Variants in FOXN1 observed in about 807,000 individuals in gnomAD.
The protein encoded by FOXN1 is forkhead box N1.
A neutral mutation model predicts 49.0 loss-of-function variants in FOXN1; 15 were observed. That is an observed-to-expected ratio of 0.31 (90% CI 0.20 to 0.47). The LOEUF (loss-of-function observed/expected upper bound fraction) is 0.47. FOXN1 is among the 20% of genes least tolerant of loss of function. FOXN1 has a pLI of 1.00. For missense variants in FOXN1, 800 were observed against 842.8 expected, an observed-to-expected ratio of 0.95 and a Z score of 0.63; for synonymous variants, 356 against 369.0, an observed-to-expected ratio of 0.96 and a Z score of 0.40.
At chr17:28,509,521 G>T (rs782293764) in intron 1 of FOXN1, among the ~76,000 whole-genome samples, 2 of 152,194 alleles carry the variant, frequency 1.3e-5, no homozygotes, top group Non-Finnish European at 2.9e-5. Flanking sequence ...AGGTTCTGGG[G>T]TGTCCCCCAG....
intron 1 of FOXN1, among the ~76,000 whole-genome samples, chr17:28,520,792 C>T (rs2069626262): frequency 6.6e-6 from 1 of 152,220 alleles, no homozygotes; most frequent in South Asian, 2.1e-4. Flanking sequence ...GGAGGTGGTG[C>T]AGGCCTGAGC....
chr17:28,513,537 C>T (rs932825037), intron 1 of FOXN1, among the ~76,000 whole-genome samples: 2 of 152,254 alleles, frequency 1.3e-5, no homozygotes, highest in African/African-American at 2.4e-5. Context: ...ATCCACCCAT[C>T]CATCCAGAGA....
rs2151503597 is a variant in FOXN1, at chr17:28,538,223, A to G, written c.*787A>G. Reference sequence around the variant, plus strand: ...TGTTTGGAAAAGCCCTTGCCCTCGGAAACTTGAACATGTCCTTTTTCCCCA... The same window carrying G: ...TGTTTGGAAAAGCCCTTGCCCTCGGGAACTTGAACATGTCCTTTTTCCCCA... On this transcript the variant is annotated 3_prime_UTR_variant, in exon 9 of 9. Coordinates refer to ENST00000579795, the MANE Select transcript of FOXN1 (RefSeq NM_001369369.1). 6.6e-6 allele frequency: 1 copy of G among 152,240 alleles called. No individual in the cohort carries two copies. Among genetic ancestry groups the G allele is most frequent in the East Asian group, 1.9e-4 (1 of 5,172 alleles). 9.4% of individuals were successfully genotyped at this position (152,240 alleles called of 1,614,324 possible).
chr17:28,526,691 G>T (rs964567945), intron 3 of FOXN1, among the ~76,000 whole-genome samples: 1 of 152,194 alleles, frequency 6.6e-6, no homozygotes, highest in Non-Finnish European at 1.5e-5. Context: ...GAGTCAGAGC[G>T]GAGAGGAGTT....
rs146095148 is a variant in FOXN1, at chr17:28,525,343, C to A, written c.588+376C>A. On this transcript the variant is annotated intron_variant, in intron 3 of 8. Coordinates refer to ENST00000579795, the MANE Select transcript of FOXN1 (RefSeq NM_001369369.1). ...CCAAGGGAAAGGGTTTGGGGAGGAG[C>A]CATAGTACACAGTTTTTCCCTCCCC... Among the ~76,000 whole-genome samples, 545 of 152,258 alleles carry A rather than the reference C, an allele frequency of 3.6e-3. 3 individuals carry two copies. Among genetic ancestry groups the A allele is most frequent in the African/African-American group, 0.012 (517 of 41,526 alleles).
intron 2 of FOXN1, 27 bp from the exon 3 acceptor site, chr17:28,524,476 C>A (rs1247163706): frequency 3.1e-6 from 5 of 1,599,874 alleles, no homozygotes; most frequent in Non-Finnish European, 4.3e-6. Context: ...CCTCCACTCA[C>A]AGGCTCGCTA....
At chr17:28,531,824 G>A (rs1035587890) in intron 6 of FOXN1, among the ~76,000 whole-genome samples, 1 of 152,304 alleles carries the variant, frequency 6.6e-6, no homozygotes, top group African/African-American at 2.4e-5. Context: ...CCTGCCTGGG[G>A]ATAATTTGAC....
chr17:28,524,028 A>C lies in FOXN1; in HGVS notation c.59A>C (p.Glu20Ala), dbSNP rs753312194. 1 of 1,612,304 alleles carries C rather than the reference A, an allele frequency of 6.2e-7. No homozygotes were observed. The highest frequency in any genetic ancestry group is 1.1e-5 in the South Asian group (1 of 91,028). The change falls in exon 2 of 9, where the codon GAG becomes GCG. Residue 20 changes from glutamate to alanine, a missense_variant. Physicochemically the swap from Glu to Ala is moderately radical, Grantham distance 107. This residue lies in a region of FOXN1 where 383 missense variants were observed against 357.9 expected (regional missense o/e 1.07). Coordinates refer to ENST00000579795, the MANE Select transcript of FOXN1 (RefSeq NM_001369369.1). The part of the protein sequence containing the change: ...DVTLPGPTRL[E>A]GERQGDLMQA... ...ACGCTGCCGGGCCCCACCAGACTGG[A>C]GGGCGAGCGCCAAGGGGACCTCATG...
chr17:28,534,582 T>C lies in FOXN1; in HGVS notation c.1135+44T>C, dbSNP rs1233367853. On this transcript the variant is annotated intron_variant, in intron 7 of 8. Coordinates refer to ENST00000579795, the MANE Select transcript of FOXN1 (RefSeq NM_001369369.1). This position sits in a 1 kb window ranked among gnomAD's most constrained non-coding sequence, Gnocchi z 4.1. ...CGCAAGGAAGGGCCCAGGGTACTCA[T>C]GAGCCAAAAAAAAAAAAAAGAGAGA... The C allele has an allele frequency of 7.6e-6, 12 of 1,574,986 alleles. No homozygotes were observed. Among genetic ancestry groups the C allele is most frequent in the Non-Finnish European group, 9.4e-6 (11 of 1,167,162 alleles).
intron 3 of FOXN1, among the ~76,000 whole-genome samples, chr17:28,525,527 G>T (rs2069747793): frequency 6.6e-6 from 1 of 152,158 alleles, no homozygotes; most frequent in South Asian, 2.1e-4. Context: ...CGTGACCCTG[G>T]ACAAGTCTTA....
rs2070017906 is a variant in FOXN1, at chr17:28,534,924, T to C, written c.1353T>C (p.Tyr451=). ...TTATGGGGCACACACCCTCCTGCTA[T>C]GGGCAGACATACTTGCACCTCTCAC... ...DLLMGHTPSC[Y]GQTYLHLSPG... Residue 451 remains tyrosine, a synonymous_variant, in exon 8 of 9, where the codon TAT becomes TAC. Transcript: ENST00000579795. This position sits in a 1 kb window ranked among gnomAD's most constrained non-coding sequence, Gnocchi z 4.1. 1.9e-6 allele frequency: 3 copies of C among 1,613,996 alleles called. No homozygotes were observed. The highest frequency in any genetic ancestry group is 2.5e-6 in the Non-Finnish European group (3 of 1,180,010).
intron 1 of FOXN1, among the ~76,000 whole-genome samples, chr17:28,513,458 A>G (rs781546794): frequency 3.6e-4 from 55 of 152,200 alleles, no homozygotes; most frequent in Non-Finnish European, 7.1e-4. Context: ...TCCATCCATC[A>G]ATCTCTCCAT....
chr17:28,507,665 CCTT>C (rs1345469447), intron 1 of FOXN1, among the ~76,000 whole-genome samples: 4 of 152,202 alleles, frequency 2.6e-5, no homozygotes, highest in Non-Finnish European at 5.9e-5. Flanking sequence ...TGCCCGGTAG[CCTT>C]CTTCCTCCCG....
At chr17:28,535,730 G>A (rs547492681) in intron 8 of FOXN1, among the ~76,000 whole-genome samples, 3 of 152,322 alleles carry the variant, frequency 2.0e-5, no homozygotes, top group African/African-American at 7.2e-5. Flanking sequence ...GTGACAGAGC[G>A]AGACTCCGCC....
intron 1 of FOXN1, among the ~76,000 whole-genome samples, chr17:28,513,132 G>A (rs934012591): frequency 1.3e-5 from 2 of 152,158 alleles, no homozygotes; most frequent in Admixed American, 1.3e-4. Flanking sequence ...AACCAGACTT[G>A]GTGCTGCCCG....
chr17:28,527,066 G>A (rs2151489751), intron 3 of FOXN1, among the ~76,000 whole-genome samples, 185 bp from the exon 4 acceptor site: 1 of 152,280 alleles, frequency 6.6e-6, no homozygotes, highest in Admixed American at 6.5e-5. Context: ...TCCAGCCCCG[G>A]CTCTACCACT....
At chr17:28,528,632 G>T (rs1042422137) in intron 4 of FOXN1, among the ~76,000 whole-genome samples, 1 of 151,964 alleles carries the variant, frequency 6.6e-6, no homozygotes, top group Non-Finnish European at 1.5e-5. Flanking sequence ...CTCCTACCCC[G>T]ACCTGTCCAC....
intron 5 of FOXN1, among the ~76,000 whole-genome samples, chr17:28,529,884 C>T: frequency 6.6e-6 from 1 of 152,112 alleles, no homozygotes; most frequent in Non-Finnish European, 1.5e-5. Context: ...AAGGCAGGAT[C>T]ATTCACTGAA....
chr17:28,514,883 C>T (rs1459390669), intron 1 of FOXN1, among the ~76,000 whole-genome samples: 2 of 152,076 alleles, frequency 1.3e-5, no homozygotes, highest in African/African-American at 2.4e-5. Context: ...CCTCCAACGT[C>T]GCCCCCACCC....
Sources: gnomAD v4.1 joint callset for allele counts (sites outside exome capture counted in the v4.1 genomes callset) on GRCh38, gnomAD v4.1.1 for gene constraint, gnomAD v4.1.1 regional missense constraint, Gnocchi (gnomAD v3.1) non-coding constraint, MANE v1.5 for transcripts, NCBI Gene and HGNC (gene_info 2026-07-23, HGNC 2026-07-21) for gene names.